The following DHTKD1 variants were observed in gnomAD, a reference collection of about 807,000 sequenced individuals.
DHTKD1 encodes 2-oxoadipate dehydrogenase complex component E1.
In DHTKD1, 78 loss-of-function variants were observed where a neutral mutation model predicts 101.8. The observed-to-expected ratio is 0.77, with a 90% CI of 0.64 to 0.93. The LOEUF (loss-of-function observed/expected upper bound fraction) is 0.93. DHTKD1 is among the 40% of genes least tolerant of loss of function. The pLI is 0.00. For missense variants in DHTKD1, 1,223 were observed against 1,161.7 expected, an observed-to-expected ratio of 1.05 and a Z score of -0.77; for synonymous variants, 462 against 450.3, an observed-to-expected ratio of 1.03 and a Z score of -0.33.
intron 13 of DHTKD1, 102 bp downstream of exon 13, chr10:12,113,166 C>G: frequency 2.8e-6 from 3 of 1,089,264 alleles, no homozygotes; most frequent in Non-Finnish European, 3.9e-6. Context: ...ACAGAAACAC[C>G]TTTTTAGTTT....
rs572989538 is a variant in DHTKD1 at position 12,107,723 on chromosome 10, T to C, written c.2048-186T>C. Among the ~76,000 whole-genome samples, 82 of 152,284 alleles carry C rather than the reference T, an allele frequency of 5.4e-4. No individual in the cohort carries two copies. The highest frequency in any genetic ancestry group is 2.0e-3 in the African/African-American group (82 of 41,572). The stretch of plus-strand genomic sequence containing the variant: ...GTGAGCCACCGTGCCTAGCCCATGA[T>C]AGGTTTTCATTCAATGAAATGGACA... On this transcript the variant is annotated intron_variant, in intron 11 of 16. Transcript: ENST00000263035. The surrounding 1 kb of genome is among the most constrained non-coding windows in gnomAD (Gnocchi z 4.1).
chr10:12,104,991 C>T (rs1833221952), intron 10 of DHTKD1, among the ~76,000 whole-genome samples: 1 of 152,036 alleles, frequency 6.6e-6, no homozygotes, highest in Admixed American at 6.6e-5. Context: ...CCTCCCACCT[C>T]AGCCTCTTGA....
At chr10:12,094,013 A>G (rs1373836561) in intron 6 of DHTKD1, 60 bp from the exon 7 acceptor site, 1 of 1,411,340 alleles carries the variant, frequency 7.1e-7, no homozygotes, top group Non-Finnish European at 1.0e-6. Context: ...TAGGGCTTAG[A>G]GAGGGCCAGT....
chr10:12,118,657 C>G, intron 14 of DHTKD1, 92 bp from the exon 15 acceptor site: 2 of 1,076,974 alleles, frequency 1.9e-6, no homozygotes, highest in Non-Finnish European at 2.5e-6. Flanking sequence ...GCTGAGATTA[C>G]AGGCGTGAGC....
chr10:12,113,961 A>G (rs1833375334), intron 13 of DHTKD1, among the ~76,000 whole-genome samples: 1 of 152,082 alleles, frequency 6.6e-6, no homozygotes, highest in Non-Finnish European at 1.5e-5. Flanking sequence ...TGGTCTAAGC[A>G]CTATTTTTTT....
rs1722445 is a variant in DHTKD1, at chr10:12,081,668, A to C, written c.310+41A>C. The C allele has an allele frequency of 0.2, 316,276 of 1,609,354 alleles. 33,954 individuals carry two copies. The highest frequency in any genetic ancestry group is 0.39 in the African/African-American group (29,432 of 74,824). ...AGCAGGCGGGAGCTCGGAGCTGCAC[A>C]CCAGGCCAGGCTCCTGCCTCTGTTC... On this transcript the variant is annotated intron_variant, in intron 2 of 16. Coordinates refer to ENST00000263035, the MANE Select transcript of DHTKD1 (RefSeq NM_018706.7).
At chr10:12,119,583 T>C (rs1212249846) in intron 15 of DHTKD1, among the ~76,000 whole-genome samples, 277 of 130,310 alleles carry the variant, frequency 2.1e-3, no homozygotes, top group Admixed American at 4.2e-3. Flanking sequence ...GCTACTGCAC[T>C]CCAGCCTGGG....
chr10:12,102,179 A>G (rs1156345955), intron 10 of DHTKD1, among the ~76,000 whole-genome samples: 1 of 151,980 alleles, frequency 6.6e-6, no homozygotes, highest in Admixed American at 6.6e-5. Flanking sequence ...TAATCCCAGC[A>G]CTTCGGGAGG....
intron 1 of DHTKD1, among the ~76,000 whole-genome samples, chr10:12,073,747 C>A (rs911599668): frequency 1.7e-4 from 26 of 152,158 alleles, no homozygotes; most frequent in Admixed American, 9.8e-4. Context: ...TGCGTGCATC[C>A]CCACCAGGCC....
intron 1 of DHTKD1, among the ~76,000 whole-genome samples, chr10:12,077,075 AAT>A (rs1223892151): frequency 2.0e-5 from 3 of 150,058 alleles, no homozygotes; most frequent in East Asian, 1.9e-4. Flanking sequence ...GTTTATGAAA[AAT>A]ATATGTGTGC....
intron 5 of DHTKD1, among the ~76,000 whole-genome samples, chr10:12,091,151 C>T (rs1417791984): frequency 6.6e-6 from 1 of 152,120 alleles, no homozygotes; most frequent in Non-Finnish European, 1.5e-5. Flanking sequence ...TGGCTCATGC[C>T]TGTAATCCCA....
Position 12,084,654 on chromosome 10 carries a change from A to G in DHTKD1, c.425A>G (p.Glu142Gly). The stretch of plus-strand genomic sequence containing the variant: ...ACCTCCCAACTTCAGAGCCAGGATG[A>G]GAAAGACTGGTTTGCCAAGCGGTTT... Reference protein sequence around the residue: ...IETSQLQSQDEKDWFAKRFEE... With the variant: ...IETSQLQSQDGKDWFAKRFEE... The change falls in exon 3 of 17, where the codon GAG becomes GGG. Residue 142 changes from glutamate (E) to glycine (G), a missense_variant. Glu to Gly is a moderately conservative substitution (Grantham distance 98). Coordinates refer to ENST00000263035, the MANE Select transcript of DHTKD1 (RefSeq NM_018706.7). 6.2e-7 allele frequency: 1 copy of G among 1,614,178 alleles called. No individual in the cohort carries two copies. The highest frequency in any genetic ancestry group is 1.3e-5 in the African/African-American group (1 of 75,042).
At position 12,121,994 on chromosome 10, in the gene DHTKD1, A is replaced by C. The variant is rs1833534177; in HGVS notation, c.*1106A>C. 1 of 152,128 alleles carries C rather than the reference A, an allele frequency of 6.6e-6. No individual in the cohort carries two copies. Among genetic ancestry groups the C allele is most frequent in the Non-Finnish European group, 1.5e-5 (1 of 68,026 alleles). The allele number at this position is 152,128 out of a possible 1,614,324, so 9.4% of individuals were successfully genotyped here. A position where few individuals can be genotyped will look rare whatever the true frequency, so the allele number is the denominator to read the frequency against. On this transcript the variant is annotated 3_prime_UTR_variant, in exon 17 of 17. Transcript: ENST00000263035. Reference sequence around the variant, plus strand: ...TTTTTGAAAGTCCTGTGGCAGTACTAATATTTTCATTTTATGTAATCTCTG... The same window carrying C: ...TTTTTGAAAGTCCTGTGGCAGTACTCATATTTTCATTTTATGTAATCTCTG...
intron 13 of DHTKD1, among the ~76,000 whole-genome samples, chr10:12,117,409 A>G (rs1833436908): frequency 6.8e-6 from 1 of 147,748 alleles, no homozygotes; most frequent in Non-Finnish European, 1.5e-5. Flanking sequence ...CGGGTCTTGA[A>G]CTGGCCTCCA....
intron 12 of DHTKD1, among the ~76,000 whole-genome samples, chr10:12,111,400 A>C (rs527553342): frequency 1.3e-5 from 2 of 152,270 alleles, no homozygotes; most frequent in East Asian, 3.9e-4. Flanking sequence ...CCCTGACCTC[A>C]TGTGATCCTC....
Position 12,094,239 on chromosome 10 carries a change from C to G in DHTKD1, c.1326C>G (p.Phe442Leu), listed in dbSNP as rs781444343. 5.6e-5 allele frequency: 90 copies of G among 1,614,058 alleles called. 2 individuals carry two copies. In the South Asian group the frequency reaches 8.9e-4, roughly 16 times the overall value. Residue 442 changes from phenylalanine (F) to leucine (L), a missense_variant, in exon 7 of 17, where the codon TTC becomes TTG. Coordinates refer to ENST00000263035, the MANE Select transcript of DHTKD1 (RefSeq NM_018706.7). ...QWGHNELDEP[F>L]YTNPIMYKII... is the part of the protein sequence containing the mutation. ...GCCACAATGAGCTGGATGAGCCATT[C>G]TACACCAACCCCATCATGTACAAAA... is the stretch of plus-strand genomic sequence containing the variant.
intron 15 of DHTKD1, 121 bp downstream of exon 15, chr10:12,119,039 GC>G: frequency 2.1e-6 from 2 of 932,422 alleles, no homozygotes. Context: ...GGGCGCGGTG[GC>G]TCACACCTGT....
Position 12,097,768 on chromosome 10 carries a change from ATCC to A in DHTKD1, c.1448_1450del (p.Ser483del), listed in dbSNP as rs1564393958. On this transcript the variant is annotated inframe_deletion, in exon 8 of 17. Coordinates refer to ENST00000263035, the MANE Select transcript of DHTKD1 (RefSeq NM_018706.7). ...CGCAGGAGGAGGTGTCTGAAATAAA[ATCC>A]TCCTACTATGCCAAGTTGAATGATC... The A allele has an allele frequency of 6.2e-7, 1 of 1,614,212 alleles. No individual in the cohort carries two copies. The highest frequency in any genetic ancestry group is 1.1e-5 in the South Asian group (1 of 91,088).
chr10:12,119,515 C>G lies in DHTKD1; in HGVS notation c.2572+597C>G, dbSNP rs1337872427. On this transcript the variant is annotated intron_variant, in intron 15 of 16. Transcript: ENST00000263035. ...CCTGTAGTCCCAGCTACTTGGGAGG[C>G]TGACGCAGGAGAATGGCGTGAACCC... Among the ~76,000 whole-genome samples, 15 of 147,298 alleles carry G rather than the reference C, an allele frequency of 1.0e-4. No homozygotes were observed. The Admixed American group carries it at 1.0e-3, about 10-fold the overall frequency.
Sources: gnomAD v4.1 joint callset for allele counts (sites outside exome capture counted in the v4.1 genomes callset) on GRCh38, gnomAD v4.1.1 for gene constraint, Gnocchi (gnomAD v3.1) non-coding constraint, MANE v1.5 for transcripts, NCBI Gene and HGNC (gene_info 2026-07-23, HGNC 2026-07-21) for gene names.